SNX24: variants seen among roughly 807,000 people sequenced by gnomAD.
The protein encoded by SNX24 is sorting nexin 24, also known as sorting nexin-24.
Under a neutral mutation model 28.7 loss-of-function variants are expected in SNX24, and 22 were observed. That is an observed-to-expected ratio of 0.77 (90% CI 0.55 to 1.10). The LOEUF is 1.10. Among genes scored for constraint, SNX24 ranks in the 50% least tolerant of loss-of-function variants. SNX24 has a pLI of 0.00. For synonymous variants in SNX24, 69 were observed against 71.5 expected (o/e 0.96, Z 0.18); for missense variants, 221 against 201.1 (o/e 1.10, Z -0.60).
intron 1 of SNX24, among the ~76,000 whole-genome samples, chr5:122,917,908 G>A (rs919978650): frequency 9.2e-5 from 14 of 151,968 alleles, no homozygotes; most frequent in African/African-American, 3.1e-4. Context: ...GTGAAACCCC[G>A]TCTCTACTAA....
chr5:122,870,001 T>C (rs1004636896), intron 1 of SNX24, among the ~76,000 whole-genome samples: 1 of 152,084 alleles, frequency 6.6e-6, no homozygotes, highest in Non-Finnish European at 1.5e-5. Flanking sequence ...TACAAAGTAG[T>C]ATAACTTTTA....
At chr5:122,900,931 T>C (rs923851146) in intron 1 of SNX24, among the ~76,000 whole-genome samples, 71 of 152,194 alleles carry the variant, frequency 4.7e-4, no homozygotes, top group Non-Finnish European at 9.0e-4. Flanking sequence ...CCAGGTGTGG[T>C]GGCTCGTGCC....
At chr5:123,011,788 A>G (rs1762584037), downstream of SNX24, among the ~76,000 whole-genome samples, 1 of 152,216 alleles carries the variant, frequency 6.6e-6, no homozygotes, top group Non-Finnish European at 1.5e-5. Context: ...AAAATTAAGC[A>G]TTGAATTGCT....
chr5:123,000,132 G>C, intron 4 of SNX24, 126 bp downstream of exon 4: 1 of 686,846 alleles, frequency 1.5e-6, no homozygotes, highest in Non-Finnish European at 2.6e-6. Flanking sequence ...TTGGCTTGCT[G>C]CAGCACTCGC....
chr5:122,912,413 C>T (rs1486238196), intron 1 of SNX24, among the ~76,000 whole-genome samples: 3 of 152,070 alleles, frequency 2.0e-5, no homozygotes, highest in Admixed American at 2.0e-4. Flanking sequence ...ATGTCATCTG[C>T]AAACCGGGAC....
At position 122,909,141 on chromosome 5, in the gene SNX24, C is replaced by T. The variant is rs184425023; in HGVS notation, c.61-27593C>T. Among the ~76,000 whole-genome samples, 447 of 152,198 alleles carry T rather than the reference C, an allele frequency of 2.9e-3. 4 individuals are homozygous for T. The highest frequency in any genetic ancestry group is 0.017 in the Middle Eastern group (5 of 294). On this transcript the variant is annotated intron_variant, in intron 1 of 6. Coordinates refer to ENST00000261369, the MANE Select transcript of SNX24 (RefSeq NM_014035.4). ...AGCATTGTTACATTAACAAGGGACT[C>T]GCAGTCTCAGAGTACCCCAGTTAGA...
chr5:122,924,956 C>T (rs969706695), intron 1 of SNX24, among the ~76,000 whole-genome samples: 31 of 151,650 alleles, frequency 2.0e-4, no homozygotes, highest in African/African-American at 7.5e-4. Context: ...GGCCTTCCCT[C>T]CCCACTCTTC....
At chr5:122,992,809 G>A (rs1761909240) in intron 3 of SNX24, among the ~76,000 whole-genome samples, 1 of 152,206 alleles carries the variant, frequency 6.6e-6, no homozygotes, top group African/African-American at 2.4e-5. Flanking sequence ...CTTGTAGTTA[G>A]TAGGTGCTAA....
At chr5:122,977,549 G>A (rs1463349603) in intron 3 of SNX24, among the ~76,000 whole-genome samples, 3 of 152,126 alleles carry the variant, frequency 2.0e-5, no homozygotes, top group Non-Finnish European at 4.4e-5. Flanking sequence ...CTAATAAGAG[G>A]CAAACAATTC....
intron 3 of SNX24, among the ~76,000 whole-genome samples, chr5:122,972,933 C>T (rs1168787809): frequency 6.6e-6 from 1 of 152,166 alleles, no homozygotes; most frequent in African/African-American, 2.4e-5. Flanking sequence ...AGTGTAAGTC[C>T]ATGTTGCTGA....
intron 3 of SNX24, chr5:122,965,388 GGACTTCTGAGAACAAATAAGGAA>G: frequency 2.2e-6 from 1 of 450,884 alleles, no homozygotes; most frequent in Non-Finnish European, 4.5e-6. Flanking sequence ...AAAGAGTCAG[GGACTTCTGAGAACAAATAAGGAA>G]AGATTAATTG....
chr5:123,026,107 AGACAT>A, intron 5 of SNX24: 1 of 706,322 alleles, frequency 1.4e-6, no homozygotes. Flanking sequence ...AAACATAAGC[AGACAT>A]GAAGGAGGGA....
chr5:122,855,304 G>A (rs1022060947), intron 1 of SNX24, among the ~76,000 whole-genome samples: 2 of 152,042 alleles, frequency 1.3e-5, no homozygotes, highest in East Asian at 1.9e-4. Flanking sequence ...TCCTGACCTC[G>A]TGATCTGCTC....
intron 1 of SNX24, among the ~76,000 whole-genome samples, chr5:122,889,383 A>T (rs1756853196): frequency 6.6e-6 from 1 of 151,884 alleles, no homozygotes; most frequent in East Asian, 1.9e-4. Context: ...CTCATTCGAA[A>T]ATCTGAAATC....
intron 1 of SNX24, among the ~76,000 whole-genome samples, chr5:122,893,617 A>G (rs1353315508): frequency 6.6e-6 from 1 of 152,208 alleles, no homozygotes; most frequent in East Asian, 1.9e-4. Flanking sequence ...TCCCTCATGC[A>G]TAATAATTCT....
chr5:122,902,919 T>C (rs941414684), intron 1 of SNX24, among the ~76,000 whole-genome samples: 1 of 152,136 alleles, frequency 6.6e-6, no homozygotes, highest in Non-Finnish European at 1.5e-5. Context: ...TGCACAAATA[T>C]ATCATTGCAA....
At position 123,007,844 on chromosome 5, in the gene SNX24, A is replaced by T; in HGVS notation, c.*95A>T. 1 of 1,541,924 alleles carries T rather than the reference A, an allele frequency of 6.5e-7. No homozygotes were observed. Among genetic ancestry groups the T allele is most frequent in the Admixed American group, 2.2e-5 (1 of 45,150 alleles). On this transcript the variant is annotated 3_prime_UTR_variant, in exon 7 of 7. Transcript: ENST00000261369. ...ATTTAACCTAAACGCTATGATATAT[A>T]ACAGCTCTAGCTAGTGGTAAAGTGC...
chr5:122,922,613 T>C (rs1183557595), intron 1 of SNX24, among the ~76,000 whole-genome samples: 1 of 152,158 alleles, frequency 6.6e-6, no homozygotes, highest in Non-Finnish European at 1.5e-5. Flanking sequence ...AGGCTATTCC[T>C]GGGTTCCGTG....
intron 1 of SNX24, among the ~76,000 whole-genome samples, chr5:122,847,999 AC>A (rs111505231): frequency 6.6e-6 from 1 of 152,238 alleles, no homozygotes; most frequent in Non-Finnish European, 1.5e-5. Flanking sequence ...CTTAAAAAAA[AC>A]CCCAGAATTT....
Sources: allele counts gnomAD v4.1 joint callset (sites outside exome capture counted in the v4.1 genomes callset), GRCh38; gene constraint gnomAD v4.1.1; transcripts MANE v1.5; gene names NCBI Gene and HGNC (gene_info 2026-07-23, HGNC 2026-07-21).